The following LMO3 variants were observed in gnomAD, a reference collection of about 807,000 sequenced individuals.
LMO3 encodes LIM domain only 3, also known as LIM domain only protein 3.
Under a neutral mutation model 15.8 loss-of-function variants are expected in LMO3, and 2 were observed. That is an observed-to-expected ratio of 0.13 (90% confidence interval 0.05 to 0.40). The LOEUF is 0.40. Ranked by LOEUF, LMO3 falls within the 10% of genes least tolerant of loss-of-function variation. The pLI is 0.99. For missense variants in LMO3, 86 were observed against 182.2 expected, an observed-to-expected ratio of 0.47 and a Z score of 3.04; for synonymous variants, 62 against 63.8, an observed-to-expected ratio of 0.97 and a Z score of 0.13.
rs1396915441 is a variant in LMO3 at position 16,576,242 on chromosome 12, T to C, written c.207-15704A>G. 6.6e-6 allele frequency among the ~76,000 whole-genome samples: 1 copy of C among 152,244 alleles called. No homozygotes were observed. The highest frequency in any genetic ancestry group is 1.5e-5 in the Non-Finnish European group (1 of 68,014). ...TTATAACCTTCCATAGCTCCCCTAC[T>C]GTATGCAGGATAGATGCAGGGAAGC... is the stretch of plus-strand genomic sequence containing the variant. On this transcript the variant is annotated intron_variant, in intron 2 of 3. Coordinates refer to ENST00000537304, the MANE Select transcript of LMO3 (RefSeq NM_018640.5). This position sits in a 1 kb window ranked among gnomAD's most constrained non-coding sequence, Gnocchi z 4.1.
At chr12:16,553,158 C>A (rs980522502) in intron 3 of LMO3, among the ~76,000 whole-genome samples, 4 of 152,074 alleles carry the variant, frequency 2.6e-5, no homozygotes, top group African/African-American at 9.7e-5. Flanking sequence ...TACATCCAAC[C>A]TAGAAAGTAA....
intron 2 of LMO3, among the ~76,000 whole-genome samples, chr12:16,575,889 T>C (rs1269204088): frequency 1.3e-5 from 2 of 152,136 alleles, no homozygotes; most frequent in African/African-American, 4.8e-5. Context: ...TTCTGCAGAC[T>C]ACATTACCCT....
intron 3 of LMO3, among the ~76,000 whole-genome samples, chr12:16,552,213 T>A (rs1285652127): frequency 6.6e-6 from 1 of 152,050 alleles, no homozygotes; most frequent in African/African-American, 2.4e-5. Context: ...AACAATAAAG[T>A]AACTCTGGGG....
intron 2 of LMO3, chr12:16,594,203 C>A (rs1347708423): frequency 2.9e-5 from 45 of 1,531,554 alleles, no homozygotes; most frequent in Non-Finnish European, 3.8e-5. Flanking sequence ...TAAGGTTACA[C>A]AGATTCCAAT....
rs1943762877 is a variant in LMO3, at chr12:16,599,717, A to C, written c.206+938T>G. On this transcript the variant is annotated intron_variant, in intron 2 of 3. Transcript: ENST00000537304. This position sits in a 1 kb window ranked among gnomAD's most constrained non-coding sequence, Gnocchi z 4.1. ...AATTTGCAGCTGAAGTAAGTCACAA[A>C]GTTGCCTGAAAAGCAAAATAATTTT... 6.6e-6 allele frequency: 1 copy of C among 152,204 alleles called. No individual in the cohort carries two copies. Among genetic ancestry groups the C allele is most frequent in the Admixed American group, 6.5e-5 (1 of 15,280 alleles). The allele number at this position is 152,204 out of a possible 1,614,324, so 9.4% of individuals were successfully genotyped here. A position where few individuals can be genotyped will look rare whatever the true frequency, so the allele number is the denominator to read the frequency against.
chr12:16,568,863 AT>A (rs1257843825), intron 2 of LMO3, among the ~76,000 whole-genome samples: 1 of 152,150 alleles, frequency 6.6e-6, no homozygotes, highest in Non-Finnish European at 1.5e-5. Flanking sequence ...GAGATCCAAA[AT>A]TTTCTAACTG....
intron 2 of LMO3, among the ~76,000 whole-genome samples, chr12:16,579,332 A>G (rs1407028193): frequency 6.6e-6 from 1 of 152,244 alleles, no homozygotes; most frequent in Non-Finnish European, 1.5e-5. Context: ...GTGTTTCACA[A>G]GGAGGTCTTT....
In LMO3 at chr12:16,598,682, G is replaced by A. The variant is rs1943732360; in HGVS notation, c.206+1973C>T. 1 of 154,150 alleles carries A rather than the reference G, an allele frequency of 6.5e-6. No individual in the cohort carries two copies. The highest frequency in any genetic ancestry group is 2.4e-5 in the African/African-American group (1 of 41,466). The allele number at this position is 154,150 out of a possible 1,614,324, so 9.5% of individuals were successfully genotyped here. A position where few individuals can be genotyped will look rare whatever the true frequency, so the allele number is the denominator to read the frequency against. ...AAATGCGTTTTAGCAAAACACTTGA[G>A]ACTATCAAATATATTTTTACTACCA... On this transcript the variant is annotated intron_variant, in intron 2 of 3. Transcript: ENST00000537304. This position sits in a 1 kb window ranked among gnomAD's most constrained non-coding sequence, Gnocchi z 4.3.
chr12:16,574,402 G>A (rs1340123672), intron 2 of LMO3, among the ~76,000 whole-genome samples: 2 of 152,084 alleles, frequency 1.3e-5, no homozygotes, highest in African/African-American at 2.4e-5. Context: ...TGAGTCCCCA[G>A]TCACGGATTT....
In LMO3 at chr12:16,604,950, A is replaced by C; in HGVS notation, c.-9+1116T>G. On this transcript the variant is annotated intron_variant, in intron 1 of 3. Transcript: ENST00000537304. The surrounding 1 kb of genome is among the most constrained non-coding windows in gnomAD (Gnocchi z 5.3). The stretch of plus-strand genomic sequence containing the variant: ...CGCATTGAGCACCAAACCCAAAGGT[A>C]GAAGTAGAAGGGGGTCTCCTTGATT... 6.3e-7 allele frequency: 1 copy of C among 1,598,374 alleles called. No individual in the cohort carries two copies.
intron 3 of LMO3, among the ~76,000 whole-genome samples, chr12:16,557,679 A>C (rs1357002874): frequency 6.6e-6 from 1 of 152,094 alleles, no homozygotes; most frequent in Non-Finnish European, 1.5e-5. Context: ...TAAATTATAA[A>C]AATAACTAAC....
At chr12:16,601,367 A>G (rs1345929295) in intron 1 of LMO3, among the ~76,000 whole-genome samples, 1 of 152,184 alleles carries the variant, frequency 6.6e-6, no homozygotes, top group Non-Finnish European at 1.5e-5. Flanking sequence ...CACTAACCTT[A>G]TTCAGCAGTA....
At chr12:16,579,513 C>T (rs1254736879) in intron 2 of LMO3, among the ~76,000 whole-genome samples, 1 of 152,106 alleles carries the variant, frequency 6.6e-6, no homozygotes, top group Non-Finnish European at 1.5e-5. Context: ...TGAATAGTTC[C>T]CTTGCTTCTT....
chr12:16,571,761 C>A (rs1425620336), intron 2 of LMO3, among the ~76,000 whole-genome samples: 4 of 151,976 alleles, frequency 2.6e-5, no homozygotes, highest in Non-Finnish European at 5.9e-5. Context: ...TTCTGTGATT[C>A]TTCATTCTAA....
intron 2 of LMO3, among the ~76,000 whole-genome samples, chr12:16,570,348 A>G (rs1041296491): frequency 2.0e-5 from 3 of 151,990 alleles, no homozygotes; most frequent in African/African-American, 7.2e-5. Context: ...CTTTCCATAC[A>G]CTATATATAA....
intron 3 of LMO3, among the ~76,000 whole-genome samples, chr12:16,556,141 A>C (rs935137860): frequency 4.6e-5 from 7 of 152,198 alleles, no homozygotes; most frequent in Admixed American, 2.0e-4. Flanking sequence ...ACATAATTTT[A>C]CATATTTGGG....
At position 16,555,888 on chromosome 12, in the gene LMO3, T is replaced by C. The variant is rs1222888744; in HGVS notation, c.332+4525A>G. On this transcript the variant is annotated intron_variant, in intron 3 of 3. Transcript: ENST00000537304. This position sits in a 1 kb window ranked among gnomAD's most constrained non-coding sequence, Gnocchi z 5.5. ...TAAGTCAACCAGTTCTAGGGAGTTCTTTTTTCAAGACCCAGCATATCAGGC... is the reference window on the plus strand; with the variant it reads ...TAAGTCAACCAGTTCTAGGGAGTTCCTTTTTCAAGACCCAGCATATCAGGC... Among the ~76,000 whole-genome samples the C allele has an allele frequency of 6.6e-6, 1 of 152,162 alleles. No homozygotes were observed. The highest frequency in any genetic ancestry group is 1.5e-5 in the Non-Finnish European group (1 of 68,032).
chr12:16,567,437 A>C (rs1284172196), intron 2 of LMO3: 2 of 152,328 alleles, frequency 1.3e-5, no homozygotes, highest in Non-Finnish European at 2.9e-5. Context: ...TCTACAATAA[A>C]GGGGAGGATG....
At chr12:16,571,976 T>A (rs1346337164) in intron 2 of LMO3, among the ~76,000 whole-genome samples, 1 of 151,954 alleles carries the variant, frequency 6.6e-6, no homozygotes, top group African/African-American at 2.4e-5. Context: ...CAAAGTGGGA[T>A]TTAAGAGAAA....
Sources: allele counts gnomAD v4.1 joint callset (sites outside exome capture counted in the v4.1 genomes callset), GRCh38; gene constraint gnomAD v4.1.1; non-coding constraint Gnocchi (gnomAD v3.1); transcripts MANE v1.5; gene names NCBI Gene and HGNC (gene_info 2026-07-23, HGNC 2026-07-21).